MIPOL1: variants seen among roughly 807,000 people sequenced by gnomAD.
The protein encoded by MIPOL1 is mirror-image polydactyly gene 1 protein.
MIPOL1 carries 57 observed loss-of-function variants against 60.9 expected under a neutral mutation model. That is an observed-to-expected ratio of 0.94 (90% confidence interval 0.76 to 1.17). The LOEUF (loss-of-function observed/expected upper bound fraction) is 1.17, where lower values mean the gene tolerates loss of function less well. Among genes scored for constraint, MIPOL1 ranks in the 50% most tolerant of loss-of-function variants. The pLI, the probability that MIPOL1 is intolerant of heterozygous loss-of-function variation, is 0.00. For synonymous variants in MIPOL1, 179 were observed against 168.8 expected, an observed-to-expected ratio of 1.06 and a Z score of -0.47; for missense variants, 551 against 511.6, an observed-to-expected ratio of 1.08 and a Z score of -0.74.
chr14:37,502,964 T>G (rs2095235743), intron 12 of MIPOL1: 2 of 152,160 alleles, frequency 1.3e-5, no homozygotes, highest in Admixed American at 1.3e-4. Context: ...GCAGGAGAAC[T>G]TCATGATGCA....
intron 9 of MIPOL1, among the ~76,000 whole-genome samples, chr14:37,336,104 GGT>G (rs1491459678): frequency 1.8e-3 from 112 of 62,380 alleles, no homozygotes; most frequent in African/African-American, 6.3e-3. Flanking sequence ...CCAAATTCAT[GGT>G]TTTTTTTTTT....
chr14:37,221,862 C>A (rs1968828255), intron 1 of MIPOL1, among the ~76,000 whole-genome samples: 1 of 152,112 alleles, frequency 6.6e-6, no homozygotes, highest in African/African-American at 2.4e-5. Flanking sequence ...ACATTCAAAC[C>A]ATGGCATTTT....
chr14:37,273,711 G>A (rs2083453964), intron 6 of MIPOL1, among the ~76,000 whole-genome samples: 1 of 151,386 alleles, frequency 6.6e-6, no homozygotes, highest in African/African-American at 2.4e-5. Flanking sequence ...CATTGATCCA[G>A]GTTCAAATTA....
At chr14:37,444,730 A>G (rs2094305427) in intron 11 of MIPOL1, among the ~76,000 whole-genome samples, 1 of 152,174 alleles carries the variant, frequency 6.6e-6, no homozygotes, top group Non-Finnish European at 1.5e-5. Flanking sequence ...ATCCACCATG[A>G]CCAAGTGGGC....
chr14:37,345,975 A>G (rs929743301), intron 9 of MIPOL1, among the ~76,000 whole-genome samples: 29 of 152,216 alleles, frequency 1.9e-4, no homozygotes, highest in Non-Finnish European at 4.1e-4. Flanking sequence ...TTAGGGACAC[A>G]TATCTTCTCT....
intron 11 of MIPOL1, among the ~76,000 whole-genome samples, chr14:37,466,841 A>C (rs902707647): frequency 6.6e-6 from 1 of 152,210 alleles, no homozygotes; most frequent in Non-Finnish European, 1.5e-5. Flanking sequence ...TTAATTAGAA[A>C]GGACACATAG....
At chr14:37,253,663 A>G (rs150967981) in intron 3 of MIPOL1, among the ~76,000 whole-genome samples, 5 of 151,932 alleles carry the variant, frequency 3.3e-5, no homozygotes, top group African/African-American at 1.2e-4. Context: ...TGAATCCTTA[A>G]TAACAGTATT....
intron 11 of MIPOL1, among the ~76,000 whole-genome samples, chr14:37,424,538 C>G (rs1351424140): frequency 2.0e-5 from 3 of 152,176 alleles, no homozygotes; most frequent in Admixed American, 2.0e-4. Flanking sequence ...TGATTCCAGA[C>G]TTCTATAGTT....
chr14:37,331,758 T>C (rs1358994539), intron 9 of MIPOL1, among the ~76,000 whole-genome samples: 4 of 152,212 alleles, frequency 2.6e-5, no homozygotes, highest in African/African-American at 9.6e-5. Context: ...GTATGCTTTA[T>C]ATCTTTCTCT....
At chr14:37,287,527 T>A (rs1039567173) in intron 7 of MIPOL1, among the ~76,000 whole-genome samples, 1 of 152,170 alleles carries the variant, frequency 6.6e-6, no homozygotes, top group South Asian at 2.1e-4. Context: ...GCACTGAGAT[T>A]ACAGGCATGA....
At chr14:37,220,128 C>A (rs1968498994) in intron 1 of MIPOL1, among the ~76,000 whole-genome samples, 1 of 151,916 alleles carries the variant, frequency 6.6e-6, no homozygotes, top group South Asian at 2.1e-4. Context: ...GACCTAAGAT[C>A]CTTTAATTTT....
intron 10 of MIPOL1, among the ~76,000 whole-genome samples, chr14:37,374,759 A>C (rs770726983): frequency 6.6e-6 from 1 of 152,076 alleles, no homozygotes; most frequent in African/African-American, 2.4e-5. Flanking sequence ...CTGTTTTCCT[A>C]CAAGTACCAT....
At chr14:37,540,428 T>G (rs916257125) in intron 12 of MIPOL1, among the ~76,000 whole-genome samples, 2 of 152,240 alleles carry the variant, frequency 1.3e-5, no homozygotes. Flanking sequence ...TTCATAAATA[T>G]GTCTGCATAT....
intron 12 of MIPOL1, among the ~76,000 whole-genome samples, chr14:37,516,444 A>T (rs1430111445): frequency 6.6e-6 from 1 of 152,130 alleles, no homozygotes; most frequent in African/African-American, 2.4e-5. Flanking sequence ...ATATTTGTTA[A>T]TGTCATTCTT....
intron 7 of MIPOL1, among the ~76,000 whole-genome samples, chr14:37,294,333 G>C (rs562110334): frequency 6.6e-6 from 1 of 152,096 alleles, no homozygotes; most frequent in East Asian, 1.9e-4. Flanking sequence ...AAAGACCAAA[G>C]GTAGATAAAA....
At chr14:37,247,685 G>A in intron 2 of MIPOL1, 144 bp from the exon 3 acceptor site, 1 of 514,982 alleles carries the variant, frequency 1.9e-6, no homozygotes, top group Non-Finnish European at 3.4e-6. Flanking sequence ...AATTTCTCCT[G>A]TTGAAATTCT....
chr14:37,262,126 A>G (rs1022626692), intron 3 of MIPOL1, among the ~76,000 whole-genome samples: 2 of 152,052 alleles, frequency 1.3e-5, no homozygotes, highest in African/African-American at 2.4e-5. Flanking sequence ...GTGGAAAGCT[A>G]ACCCTCTATT....
chr14:37,450,527 A>T (rs1164308255), intron 11 of MIPOL1, among the ~76,000 whole-genome samples: 1 of 151,728 alleles, frequency 6.6e-6, no homozygotes, highest in East Asian at 1.9e-4. Flanking sequence ...TTTAATCTCA[A>T]TTTTTTTTCA....
chr14:37,357,921 T>C (rs1256382927), intron 9 of MIPOL1, among the ~76,000 whole-genome samples: 4 of 152,182 alleles, frequency 2.6e-5, no homozygotes, highest in South Asian at 2.1e-4. Context: ...ACATGTGCCA[T>C]GATGGTTTGC....
Sources: gnomAD v4.1 joint callset for allele counts (sites outside exome capture counted in the v4.1 genomes callset) on GRCh38, gnomAD v4.1.1 for gene constraint, MANE v1.5 for transcripts, NCBI Gene and HGNC (gene_info 2026-07-23, HGNC 2026-07-21) for gene names.